The following GRM8 variants were observed in gnomAD, a reference collection of about 807,000 sequenced individuals.
GRM8 encodes the protein glutamate metabotropic receptor 8.
Under a neutral mutation model 87.2 loss-of-function variants are expected in GRM8, and 47 were observed. The ratio of observed to expected loss-of-function variants is 0.54; its 90% CI spans 0.43 to 0.69. The LOEUF (loss-of-function observed/expected upper bound fraction) is 0.69. Among genes scored for constraint, GRM8 ranks in the 30% least tolerant of loss-of-function variants. The pLI, the probability that GRM8 is intolerant of heterozygous loss-of-function variation, is 0.00. For synonymous variants in GRM8, 396 were observed against 404.5 expected (o/e 0.98, Z 0.25); for missense variants, 1,019 against 1,139.2 (o/e 0.89, Z 1.52).
At chr7:127,187,248 A>G (rs11563487) in intron 2 of GRM8, among the ~76,000 whole-genome samples, 2,532 of 152,300 alleles carry the variant, frequency 0.017, 30 homozygotes, top group Middle Eastern at 0.041. Context: ...TTAAAAGAAC[A>G]TCGTTTAATA....
intron 3 of GRM8, among the ~76,000 whole-genome samples, chr7:126,960,186 A>AG (rs1246811531): frequency 6.6e-6 from 1 of 152,160 alleles, no homozygotes; most frequent in Non-Finnish European, 1.5e-5. Context: ...ACTAGTGGTG[A>AG]GGGAAAAAAA....
At chr7:126,642,726 T>G (rs947929106) in intron 7 of GRM8, among the ~76,000 whole-genome samples, 1 of 152,032 alleles carries the variant, frequency 6.6e-6, no homozygotes, top group Non-Finnish European at 1.5e-5. Flanking sequence ...ACGATAGAGA[T>G]AGAGTTGAAG....
chr7:127,098,818 T>C (rs1302899713), intron 3 of GRM8, among the ~76,000 whole-genome samples: 1 of 152,198 alleles, frequency 6.6e-6, no homozygotes, highest in Non-Finnish European at 1.5e-5. Context: ...GAATCAGGTC[T>C]ATTCTGCCCC....
intron 3 of GRM8, among the ~76,000 whole-genome samples, chr7:127,083,372 C>T (rs930746363): frequency 6.6e-6 from 1 of 152,076 alleles, no homozygotes; most frequent in Non-Finnish European, 1.5e-5. Context: ...ACCTCATCTC[C>T]ATCCTTGCAA....
At chr7:126,989,716 C>T (rs1812447585) in intron 3 of GRM8, among the ~76,000 whole-genome samples, 1 of 152,302 alleles carries the variant, frequency 6.6e-6, no homozygotes, top group Middle Eastern at 3.4e-3. Context: ...CCAAGGCAGG[C>T]AGATTGCTTG....
chr7:126,716,384 C>G lies in GRM8; in HGVS notation c.1357+53481G>C, dbSNP rs1016824195. The stretch of plus-strand genomic sequence containing the variant: ...TATATTTGACAGCTAAGTTATTTCT[C>G]TACAGAAAAAAAAAAAAGTGTTGAA... On this transcript the variant is annotated intron_variant, in intron 7 of 10. Coordinates refer to ENST00000339582, the MANE Select transcript of GRM8 (RefSeq NM_000845.3). Among the ~76,000 whole-genome samples, 16 of 149,848 alleles carry G rather than the reference C, an allele frequency of 1.1e-4. 3 individuals are homozygous for G. Among genetic ancestry groups the G allele is most frequent in the Admixed American group, 9.9e-4 (15 of 15,140 alleles).
chr7:126,834,529 A>G lies in GRM8; in HGVS notation c.1157-64464T>C, dbSNP rs551394248. On this transcript the variant is annotated intron_variant, in intron 6 of 10. Coordinates refer to ENST00000339582, the MANE Select transcript of GRM8 (RefSeq NM_000845.3). ...TTGTCTTCTGTGATAAACATGAAGG[A>G]AAATGTATGGTTGTAAATGGTTTCA... 5.3e-5 allele frequency among the ~76,000 whole-genome samples: 8 copies of G among 152,358 alleles called. No individual in the cohort carries two copies. The South Asian group carries it at 1.7e-3, about 32-fold the overall frequency.
intron 8 of GRM8, among the ~76,000 whole-genome samples, chr7:126,603,700 T>A (rs1272551947): frequency 6.6e-6 from 1 of 152,102 alleles, no homozygotes; most frequent in African/African-American, 2.4e-5. Context: ...ATATAATACT[T>A]ATTTCATAGG....
chr7:126,884,585 C>T (rs1800317558), intron 6 of GRM8, among the ~76,000 whole-genome samples: 1 of 152,040 alleles, frequency 6.6e-6, no homozygotes, highest in Non-Finnish European at 1.5e-5. Flanking sequence ...GAAATGATAG[C>T]AGAAAAAACA....
At chr7:127,204,646 A>C (rs1795801552) in intron 2 of GRM8, among the ~76,000 whole-genome samples, 1 of 151,418 alleles carries the variant, frequency 6.6e-6, no homozygotes, top group African/African-American at 2.4e-5. Context: ...CTCCGATTTG[A>C]CATTACTGTC....
intron 6 of GRM8, among the ~76,000 whole-genome samples, chr7:126,862,419 G>T (rs909578504): frequency 6.6e-6 from 1 of 151,806 alleles, no homozygotes; most frequent in Non-Finnish European, 1.5e-5. Context: ...ATTCTTAAAT[G>T]ATTCTTATAT....
chr7:127,248,251 C>A (rs541795318), intron 1 of GRM8, among the ~76,000 whole-genome samples: 6 of 152,334 alleles, frequency 3.9e-5, no homozygotes, highest in African/African-American at 1.4e-4. Flanking sequence ...GAGCTGCAGA[C>A]ACATTATTTC....
intron 6 of GRM8, among the ~76,000 whole-genome samples, chr7:126,785,402 G>C (rs546158121): frequency 6.6e-6 from 1 of 152,040 alleles, no homozygotes; most frequent in Non-Finnish European, 1.5e-5. Flanking sequence ...TACCTAGGCA[G>C]ACACCATTAG....
chr7:127,152,658 T>C (rs1259303148), intron 2 of GRM8, among the ~76,000 whole-genome samples: 2 of 152,156 alleles, frequency 1.3e-5, no homozygotes, highest in African/African-American at 2.4e-5. Flanking sequence ...TAGGTGACTC[T>C]TCCTTTGCCA....
At chr7:126,776,379 G>C (rs978705959) in intron 6 of GRM8, among the ~76,000 whole-genome samples, 1 of 152,106 alleles carries the variant, frequency 6.6e-6, no homozygotes, top group African/African-American at 2.4e-5. Context: ...GGGTTCTGAT[G>C]CTAGGTAGTA....
At chr7:126,851,952 C>G (rs372766674) in intron 6 of GRM8, among the ~76,000 whole-genome samples, 2 of 152,218 alleles carry the variant, frequency 1.3e-5, no homozygotes, top group East Asian at 3.9e-4. Flanking sequence ...GTACTCAGTA[C>G]GTATTTGTTG....
At chr7:126,541,548 A>G (rs1816543811) in intron 8 of GRM8, among the ~76,000 whole-genome samples, 1 of 152,162 alleles carries the variant, frequency 6.6e-6, no homozygotes, top group African/African-American at 2.4e-5. Context: ...GTCACGTTTT[A>G]GAATCTCTGG....
chr7:126,721,236 C>G lies in GRM8; in HGVS notation c.1357+48629G>C, dbSNP rs549226253. Among the ~76,000 whole-genome samples the G allele has an allele frequency of 2.0e-4, 30 of 152,046 alleles. No homozygotes were observed. The South Asian group carries it at 5.8e-3, about 30-fold the overall frequency. Reference sequence around the variant, plus strand: ...AACCCAAAGGCACACAATTTTGGGTCTAATCCTGAATCTACACAATCAAAA... The same window carrying G: ...AACCCAAAGGCACACAATTTTGGGTGTAATCCTGAATCTACACAATCAAAA... On this transcript the variant is annotated intron_variant, in intron 7 of 10. Coordinates refer to ENST00000339582, the MANE Select transcript of GRM8 (RefSeq NM_000845.3).
intron 2 of GRM8, among the ~76,000 whole-genome samples, chr7:127,130,142 G>C (rs1467004510): frequency 6.6e-6 from 1 of 152,128 alleles, no homozygotes; most frequent in African/African-American, 2.4e-5. Flanking sequence ...CATCATGACT[G>C]TAAGTTTCCT....
Sources: allele counts gnomAD v4.1 joint callset (sites outside exome capture counted in the v4.1 genomes callset), GRCh38; gene constraint gnomAD v4.1.1; transcripts MANE v1.5; gene names NCBI Gene and HGNC (gene_info 2026-07-23, HGNC 2026-07-21).